ERG: variants seen among roughly 807,000 people sequenced by gnomAD.
The protein encoded by ERG is ETS transcription factor ERG.
A neutral mutation model predicts 55.3 loss-of-function variants in ERG; 9 were observed. The ratio of observed to expected loss-of-function variants is 0.16; its 90% CI spans 0.10 to 0.28. ERG has a LOEUF of 0.28. Among genes scored for constraint, ERG ranks in the 10% least tolerant of loss-of-function variants. ERG has a pLI of 1.00. For missense variants in ERG, 434 were observed against 631.6 expected (o/e 0.69, Z 3.35); for synonymous variants, 223 against 237.3 (o/e 0.94, Z 0.55).
rs1244337371 is a variant in ERG at position 38,460,488 on chromosome 21, G to GT, written c.19-14868dup. Among the ~76,000 whole-genome samples the GT allele has an allele frequency of 6.6e-6, 1 of 152,188 alleles. No individual in the cohort carries two copies. The highest frequency in any genetic ancestry group is 2.4e-5 in the African/African-American group (1 of 41,446). On this transcript the variant is annotated intron_variant, in intron 1 of 9. Coordinates refer to ENST00000288319, the MANE Select transcript of ERG (RefSeq NM_182918.4). This position sits in a 1 kb window ranked among gnomAD's most constrained non-coding sequence, Gnocchi z 5.0. Reference sequence around the variant, plus strand: ...AGAATGCATATATTGCATATGCCATGTGTACACCAAAAGCCACACCTAATA... The same window carrying GT: ...AGAATGCATATATTGCATATGCCATGTTGTACACCAAAAGCCACACCTAATA...
intron 5 of ERG, among the ~76,000 whole-genome samples, chr21:38,402,142 A>G (rs1363820782): frequency 1.3e-5 from 2 of 152,204 alleles, no homozygotes; most frequent in Non-Finnish European, 2.9e-5. Context: ...CCTAGCAAAT[A>G]TTTCTTTAAG....
chr21:38,500,383 T>C (rs377429111), upstream of ERG, among the ~76,000 whole-genome samples: 296 of 152,362 alleles, frequency 1.9e-3, no homozygotes, highest in African/African-American at 7.0e-3. Flanking sequence ...TGGGACCTAA[T>C]GCTTCAGTGA....
intron 9 of ERG, among the ~76,000 whole-genome samples, chr21:38,384,829 T>A (rs1987616325): frequency 6.7e-6 from 1 of 148,692 alleles, no homozygotes. Context: ...AATGAGGAAG[T>A]TTAGGAAAAA....
chr21:38,428,814 C>A (rs1171918517), intron 2 of ERG, among the ~76,000 whole-genome samples: 2 of 152,156 alleles, frequency 1.3e-5, no homozygotes, highest in Non-Finnish European at 2.9e-5. Context: ...GTGGAAATTT[C>A]TTTATTGCAA....
Position 38,498,251 on chromosome 21 carries a change from TGTGGCA to T in ERG, c.18+106_18+111del. On this transcript the variant is annotated intron_variant, in intron 1 of 9. Transcript: ENST00000288319. The surrounding 1 kb of genome is among the most constrained non-coding windows in gnomAD (Gnocchi z 4.6). Reference sequence around the variant, plus strand: ...CAAAGGAAATCTTGTTGTCCTCTATTGTGGCAGTGGGGGTGTTGCCCAACCCTAACT... The same window carrying T: ...CAAAGGAAATCTTGTTGTCCTCTATTGTGGGGGTGTTGCCCAACCCTAACT... 1 of 875,134 alleles carries T rather than the reference TGTGGCA, an allele frequency of 1.1e-6. No individual in the cohort carries two copies. Among genetic ancestry groups the T allele is most frequent in the Non-Finnish European group, 1.9e-6 (1 of 526,044 alleles). 54.2% of individuals were successfully genotyped at this position (875,134 alleles called of 1,614,324 possible).
chr21:38,396,924 T>C (rs892757306), intron 6 of ERG, among the ~76,000 whole-genome samples: 13 of 151,810 alleles, frequency 8.6e-5, no homozygotes, highest in Non-Finnish European at 7.4e-5. Flanking sequence ...ATAAAATATA[T>C]ATATATTTAA....
At chr21:38,446,131 A>G (rs2058889509) in intron 1 of ERG, among the ~76,000 whole-genome samples, 1 of 150,666 alleles carries the variant, frequency 6.6e-6, no homozygotes. Flanking sequence ...AGGGCAACCA[A>G]CCAAAGATAC....
intron 1 of ERG, among the ~76,000 whole-genome samples, chr21:38,628,605 T>C (rs760207410): frequency 6.6e-6 from 1 of 151,982 alleles, no homozygotes; most frequent in Non-Finnish European, 1.5e-5. Flanking sequence ...TGGGGGAAAC[T>C]GTGAAGCACA....
chr21:38,583,935 G>A (rs1482547396), intron 1 of ERG, among the ~76,000 whole-genome samples: 1 of 152,234 alleles, frequency 6.6e-6, no homozygotes, highest in Non-Finnish European at 1.5e-5. Flanking sequence ...CCAGTTCATG[G>A]CAGTTTGTTA....
At chr21:38,407,287 T>C (rs187125026) in intron 3 of ERG, among the ~76,000 whole-genome samples, 13 of 152,350 alleles carry the variant, frequency 8.5e-5, no homozygotes, top group Middle Eastern at 6.8e-3. Flanking sequence ...CATTTAGGAA[T>C]GTTCCTGTGA....
At chr21:38,604,097 A>T (rs1003542171) in intron 1 of ERG, among the ~76,000 whole-genome samples, 2 of 151,926 alleles carry the variant, frequency 1.3e-5, no homozygotes, top group African/African-American at 2.4e-5. Flanking sequence ...AAATAAAAAA[A>T]AAAAAATTAG....
intron 1 of ERG, among the ~76,000 whole-genome samples, chr21:38,653,827 T>G (rs1429606432): frequency 6.6e-6 from 1 of 152,248 alleles, no homozygotes; most frequent in Non-Finnish European, 1.5e-5. Flanking sequence ...AGATGCTCAA[T>G]ATATTTTAAT....
chr21:38,422,874 AT>A (rs1043186664), intron 3 of ERG, among the ~76,000 whole-genome samples: 1 of 152,206 alleles, frequency 6.6e-6, no homozygotes, highest in Non-Finnish European at 1.5e-5. Context: ...AGATAAGAGA[AT>A]TTTAAAAACA....
At chr21:38,438,940 A>G (rs1303370142) in intron 2 of ERG, among the ~76,000 whole-genome samples, 1 of 152,226 alleles carries the variant, frequency 6.6e-6, no homozygotes, top group Non-Finnish European at 1.5e-5. Flanking sequence ...GGGCCTAAGA[A>G]GCCGCATCTC....
At chr21:38,603,970 C>T (rs533976689) in intron 1 of ERG, among the ~76,000 whole-genome samples, 2 of 151,910 alleles carry the variant, frequency 1.3e-5, no homozygotes, top group East Asian at 3.9e-4. Flanking sequence ...TAGTTTTGGC[C>T]GGGCGCGGTG....
chr21:38,538,522 A>G (rs2059728265), intron 2 of ERG, among the ~76,000 whole-genome samples: 2 of 152,028 alleles, frequency 1.3e-5, no homozygotes, highest in South Asian at 4.2e-4. Context: ...CTGCTTTATG[A>G]CTGAGCTGCA....
chr21:38,440,840 G>A (rs1359882412), intron 2 of ERG, among the ~76,000 whole-genome samples: 2 of 149,620 alleles, frequency 1.3e-5, no homozygotes, highest in East Asian at 2.0e-4. Flanking sequence ...CAAAGCCTGC[G>A]GATGGGATCC....
In ERG at chr21:38,460,086, G is replaced by A. The variant is rs1304509588; in HGVS notation, c.19-14465C>T. Among the ~76,000 whole-genome samples, 1 of 152,118 alleles carries A rather than the reference G, an allele frequency of 6.6e-6. No homozygotes were observed. Among genetic ancestry groups the A allele is most frequent in the Non-Finnish European group, 1.5e-5 (1 of 68,032 alleles). On this transcript the variant is annotated intron_variant, in intron 1 of 9. Transcript: ENST00000288319. This position sits in a 1 kb window ranked among gnomAD's most constrained non-coding sequence, Gnocchi z 5.0. ...CTGAGAAAACGCGAAGGAGGGGAGGGTGTGAGCCCCCATGCATTCATGAAG... is the reference window on the plus strand; with the variant it reads ...CTGAGAAAACGCGAAGGAGGGGAGGATGTGAGCCCCCATGCATTCATGAAG...
Position 38,444,119 on chromosome 21 carries a change from C to T in ERG, c.236+1285G>A, listed in dbSNP as rs146221857. Among the ~76,000 whole-genome samples the T allele has an allele frequency of 1.7e-3, 252 of 152,302 alleles. 2 individuals are homozygous for T. The highest frequency in any genetic ancestry group is 5.7e-3 in the African/African-American group (237 of 41,562). ...TCATTAACACCACACTAGGAATTGA[C>T]GCAACCGTTTCCAGACTTATAAACT... is the stretch of plus-strand genomic sequence containing the variant. On this transcript the variant is annotated intron_variant, in intron 2 of 9. Transcript: ENST00000288319.
Sources: allele counts gnomAD v4.1 joint callset (sites outside exome capture counted in the v4.1 genomes callset), GRCh38; gene constraint gnomAD v4.1.1; non-coding constraint Gnocchi (gnomAD v3.1); transcripts MANE v1.5; gene names NCBI Gene and HGNC (gene_info 2026-07-23, HGNC 2026-07-21).